Variants in ZEB1 observed in about 807,000 individuals in gnomAD.
The protein encoded by ZEB1 is zinc finger E-box-binding homeobox 1.
In ZEB1, 21 loss-of-function variants were observed where a neutral mutation model predicts 84.9. The observed-to-expected ratio is 0.25, with a 90% CI of 0.18 to 0.36. ZEB1 has a LOEUF of 0.36. Ranked by LOEUF, ZEB1 falls within the 10% of genes least tolerant of loss-of-function variation. The probability of loss-of-function intolerance (pLI) is 1.00; values close to 1 mark genes in which losing one functional copy is unlikely to be tolerated. For missense variants in ZEB1, 1,104 were observed against 1,330.2 expected (o/e 0.83, Z 2.65); for synonymous variants, 420 against 471.1 (o/e 0.89, Z 1.41).
At chr10:31,454,180 G>A (rs906566712) in intron 1 of ZEB1, among the ~76,000 whole-genome samples, 50 of 152,154 alleles carry the variant, frequency 3.3e-4, no homozygotes, top group African/African-American at 1.2e-3. Context: ...CTCAATAGAT[G>A]CAGAAAAAGC....
intron 3 of ZEB1, among the ~76,000 whole-genome samples, chr10:31,498,336 A>G (rs865782278): frequency 5.9e-5 from 9 of 151,968 alleles, no homozygotes; most frequent in African/African-American, 1.9e-4. Flanking sequence ...ACCTAATACC[A>G]ATTTGTCTGC....
intron 6 of ZEB1, among the ~76,000 whole-genome samples, chr10:31,519,351 A>G (rs1385732243): frequency 1.3e-5 from 2 of 152,178 alleles, no homozygotes; most frequent in Admixed American, 6.5e-5. Flanking sequence ...CTTTTACCCC[A>G]CAGAGTCTAG....
chr10:31,378,585 T>C (rs1190780398), intron 1 of ZEB1, among the ~76,000 whole-genome samples: 1 of 151,704 alleles, frequency 6.6e-6, no homozygotes, highest in African/African-American at 2.4e-5. Flanking sequence ...CATGCAATGA[T>C]ATGAAAGAAG....
intron 1 of ZEB1, among the ~76,000 whole-genome samples, chr10:31,441,268 C>G (rs1285618547): frequency 1.3e-5 from 2 of 152,212 alleles, no homozygotes; most frequent in Non-Finnish European, 2.9e-5. Flanking sequence ...CTACAACCAT[C>G]TGATGTTTGA....
intron 1 of ZEB1, among the ~76,000 whole-genome samples, chr10:31,433,777 A>G (rs161268): frequency 0.13 from 19,471 of 152,218 alleles, 2,503 homozygotes; most frequent in African/African-American, 0.33. Context: ...AGTGAGGGCT[A>G]CAAGGATATA....
At chr10:31,319,570 A>T (rs2033150238) in intron 1 of ZEB1, 4 of 405,496 alleles carry the variant, frequency 9.9e-6, no homozygotes, top group Non-Finnish European at 8.6e-6. Flanking sequence ...CTGGACCGTT[A>T]GCCGGCGCCG....
intron 1 of ZEB1, among the ~76,000 whole-genome samples, chr10:31,391,614 G>A (rs1030028256): frequency 1.3e-5 from 2 of 152,162 alleles, no homozygotes; most frequent in African/African-American, 4.8e-5. Context: ...GCCTTGCTTA[G>A]CTAATGTCTT....
intron 1 of ZEB1, among the ~76,000 whole-genome samples, chr10:31,364,288 C>G (rs1042173228): frequency 3.9e-5 from 6 of 152,190 alleles, no homozygotes; most frequent in Admixed American, 3.9e-4. Flanking sequence ...ACTCTAGCCT[C>G]AGGGATATCC....
At position 31,527,309 on chromosome 10, in the gene ZEB1, C is replaced by T. The variant is rs1484225271; in HGVS notation, c.*45C>T. The T allele has an allele frequency of 1.0e-5, 16 of 1,555,402 alleles. No individual in the cohort carries two copies. Among genetic ancestry groups the T allele is most frequent in the African/African-American group, 8.2e-5 (6 of 72,976 alleles). ...ATAAATTCTAATTGATAATGAATTT[C>T]GTTCAATATTATCCTTGCTTTTCAT... is the stretch of plus-strand genomic sequence containing the variant. On this transcript the variant is annotated 3_prime_UTR_variant, in exon 9 of 9. Transcript: ENST00000424869.
At chr10:31,414,673 T>C (rs1591020868) in intron 1 of ZEB1, among the ~76,000 whole-genome samples, 1 of 152,332 alleles carries the variant, frequency 6.6e-6, no homozygotes. Flanking sequence ...CATTTCTACC[T>C]ATGGTAACTC....
chr10:31,324,733 A>C (rs538560731), intron 1 of ZEB1, among the ~76,000 whole-genome samples: 4 of 152,064 alleles, frequency 2.6e-5, no homozygotes, highest in Admixed American at 6.5e-5. Context: ...AACTCAAAAA[A>C]TTTTAAACTA....
At position 31,322,977 on chromosome 10, in the gene ZEB1, C is replaced by A. The variant is rs115321993; in HGVS notation, c.58+3685C>A. The stretch of plus-strand genomic sequence containing the variant: ...TGGGACCTTCAGTATAATTCTGAGT[C>A]TTATTGTTACTTAAAACTAGCCTTG... On this transcript the variant is annotated intron_variant, in intron 1 of 8. Coordinates refer to ENST00000424869, the MANE Select transcript of ZEB1 (RefSeq NM_001174096.2). 5.6e-3 allele frequency among the ~76,000 whole-genome samples: 848 copies of A among 152,154 alleles called. 13 individuals carry two copies. Among genetic ancestry groups the A allele is most frequent in the African/African-American group, 0.02 (813 of 41,492 alleles).
At chr10:31,334,907 C>G (rs2037667683) in intron 1 of ZEB1, among the ~76,000 whole-genome samples, 1 of 152,090 alleles carries the variant, frequency 6.6e-6, no homozygotes, top group African/African-American at 2.4e-5. Flanking sequence ...AATACCAATT[C>G]TAGACAGGTT....
intron 5 of ZEB1, 129 bp downstream of exon 5, chr10:31,511,004 A>G: frequency 1.1e-6 from 1 of 875,750 alleles, no homozygotes; most frequent in Non-Finnish European, 1.8e-6. Flanking sequence ...CTGCAGCCTT[A>G]TAAAAGTGAA....
intron 1 of ZEB1, among the ~76,000 whole-genome samples, chr10:31,426,807 CT>C (rs1346075111): frequency 6.6e-6 from 1 of 152,144 alleles, no homozygotes; most frequent in Admixed American, 6.5e-5. Context: ...ATCCCTAGTT[CT>C]TGTTTCCATA....
chr10:31,495,120 A>G (rs2067036559), intron 2 of ZEB1, among the ~76,000 whole-genome samples: 2 of 152,014 alleles, frequency 1.3e-5, no homozygotes, highest in Non-Finnish European at 2.9e-5. Flanking sequence ...CTGCATTTAT[A>G]TTTCATTTCT....
At chr10:31,486,625 C>A (rs1357000661) in intron 2 of ZEB1, among the ~76,000 whole-genome samples, 1 of 149,182 alleles carries the variant, frequency 6.7e-6, no homozygotes, top group African/African-American at 2.5e-5. Flanking sequence ...TACATGTTCA[C>A]AATGTGCAGG....
intron 5 of ZEB1, among the ~76,000 whole-genome samples, chr10:31,512,387 T>A (rs1164641584): frequency 6.6e-6 from 1 of 152,070 alleles, no homozygotes; most frequent in Non-Finnish European, 1.5e-5. Context: ...TGTAGTAGGA[T>A]TTACATATAA....
At chr10:31,371,004 C>G (rs1330996247) in intron 1 of ZEB1, among the ~76,000 whole-genome samples, 1 of 152,144 alleles carries the variant, frequency 6.6e-6, no homozygotes, top group Non-Finnish European at 1.5e-5. Context: ...CAGGCGTGAG[C>G]CTCCATGCCT....
Sources: allele counts gnomAD v4.1 joint callset (sites outside exome capture counted in the v4.1 genomes callset), GRCh38; gene constraint gnomAD v4.1.1; transcripts MANE v1.5; gene names NCBI Gene and HGNC (gene_info 2026-07-23, HGNC 2026-07-21).